The following PCDHGA4 variants were observed in gnomAD, a reference collection of about 807,000 sequenced individuals.
PCDHGA4 encodes the protein protocadherin gamma subfamily A, 4, also known as protocadherin gamma-A4.
PCDHGA4 carries 38 observed loss-of-function variants against 54.6 expected under a neutral mutation model. The observed-to-expected ratio is 0.70, with a 90% CI of 0.54 to 0.91. The LOEUF is 0.91. Among genes scored for constraint, PCDHGA4 ranks in the 40% least tolerant of loss-of-function variants. The pLI, the probability that PCDHGA4 is intolerant of heterozygous loss-of-function variation, is 0.00. For synonymous variants in PCDHGA4, 511 were observed against 512.9 expected (o/e 1.00, Z 0.05); for missense variants, 1,298 against 1,220.9 (o/e 1.06, Z -0.94).
At chr5:141,437,096 C>T (rs989863634) in intron 1 of PCDHGA4, among the ~76,000 whole-genome samples, 6 of 152,122 alleles carry the variant, frequency 3.9e-5, no homozygotes, top group Non-Finnish European at 8.8e-5. Context: ...AAACTAACGG[C>T]TTAGCTTTAG....
intron 1 of PCDHGA4, chr5:141,421,165 T>C: frequency 7.7e-7 from 1 of 1,297,018 alleles, no homozygotes; most frequent in Non-Finnish European, 1.0e-6. Flanking sequence ...ACTTCATAGA[T>C]ACATAAGCCG....
rs2099612736 is a variant in PCDHGA4 at position 141,485,393 on chromosome 5, C to T, written c.2515-9414C>T. The T allele has an allele frequency of 6.2e-7, 1 of 1,614,154 alleles. No homozygotes were observed. The highest frequency in any genetic ancestry group is 1.7e-5 in the Admixed American group (1 of 60,020). ...GGTCGCTGGAGAGGTGAACCAAAGA[C>T]ACTTCCGTGTGGATTTGGACAGCGG... On this transcript the variant is annotated intron_variant, in intron 1 of 3. Coordinates refer to ENST00000571252, the MANE Select transcript of PCDHGA4 (RefSeq NM_018917.4). The surrounding 1 kb of genome is among the most constrained non-coding windows in gnomAD (Gnocchi z 5.7).
chr5:141,357,413 C>A lies in PCDHGA4; in HGVS notation c.2306C>A (p.Ser769Ter), dbSNP rs374712311. The change falls in exon 1 of 4, where the codon TCG (serine) becomes TAG (stop). Residue 769 changes from serine (S) to a stop codon, truncating the protein, a stop_gained. Coordinates refer to ENST00000571252, the MANE Select transcript of PCDHGA4 (RefSeq NM_018917.4). LOFTEE classifies it high-confidence loss of function. Reference protein sequence around the residue: ...EGSRLAGVPASHFVGVDGVRA... With the variant: ...EGSRLAGVPA ...AGCAGGTTGGCAGGTGTGCCTGCCT[C>A]GCACTTTGTGGGCGTGGACGGGGTT... 6.2e-7 allele frequency: 1 copy of A among 1,614,132 alleles called. No homozygotes were observed. Among genetic ancestry groups the A allele is most frequent in the African/African-American group, 1.3e-5 (1 of 74,956 alleles).
Position 141,491,687 on chromosome 5 carries a change from G to A in PCDHGA4, c.2515-3120G>A. On this transcript the variant is annotated intron_variant, in intron 1 of 3. Transcript: ENST00000571252. This position sits in a 1 kb window ranked among gnomAD's most constrained non-coding sequence, Gnocchi z 6.9. Reference sequence around the variant, plus strand: ...ATCCGGTCCCGCTCTAATACGCTGCGGGAGCGGAGCCAGGTGAGGGGCTCG... The same window carrying A: ...ATCCGGTCCCGCTCTAATACGCTGCAGGAGCGGAGCCAGGTGAGGGGCTCG... The A allele has an allele frequency of 6.2e-7, 1 of 1,613,072 alleles. No homozygotes were observed. The highest frequency in any genetic ancestry group is 8.5e-7 in the Non-Finnish European group (1 of 1,179,608).
At position 141,356,528 on chromosome 5, in the gene PCDHGA4, T is replaced by C. The variant is rs755912138; in HGVS notation, c.1421T>C (p.Met474Thr). The change falls in exon 1 of 4, where the codon ATG becomes ACG. Residue 474 changes from methionine to threonine, a missense_variant. By Grantham distance (81) the Met-to-Thr change is moderately conservative (BLOSUM62 -1). Transcript: ENST00000571252. ...STETHISLQV[M>T]DINDNPPTFP... ...GAAACTCATATTTCACTGCAAGTGA[T>C]GGACATCAATGACAACCCACCCACT... is the stretch of plus-strand genomic sequence containing the variant. 7.4e-6 allele frequency: 12 copies of C among 1,613,866 alleles called. 1 individual carries two copies. In the Admixed American group the frequency reaches 1.8e-4, roughly 25 times the overall value.
chr5:141,475,721 G>A (rs867365261), intron 1 of PCDHGA4, among the ~76,000 whole-genome samples: 1 of 152,248 alleles, frequency 6.6e-6, no homozygotes. Context: ...ACAGCCCCAA[G>A]GCTGGCTTTC....
chr5:141,490,249 C>T lies in PCDHGA4; in HGVS notation c.2515-4558C>T, dbSNP rs2099697737. On this transcript the variant is annotated intron_variant, in intron 1 of 3. Coordinates refer to ENST00000571252, the MANE Select transcript of PCDHGA4 (RefSeq NM_018917.4). The surrounding 1 kb of genome is among the most constrained non-coding windows in gnomAD (Gnocchi z 5.4). ...TGCCATGGAGGGCCACTGTGTGATT[C>T]AAGTGGATGTGGGGGATGTCAATGA... The T allele has an allele frequency of 1.2e-6, 2 of 1,614,218 alleles. No individual in the cohort carries two copies. The highest frequency in any genetic ancestry group is 1.7e-6 in the Non-Finnish European group (2 of 1,180,044).
intron 1 of PCDHGA4, chr5:141,419,971 C>T (rs1254783575): frequency 1.2e-6 from 2 of 1,613,942 alleles, no homozygotes; most frequent in African/African-American, 2.7e-5. Context: ...TGCTCTTTCT[C>T]CTCGCGGTGA....
intron 1 of PCDHGA4, chr5:141,375,864 T>G: frequency 6.2e-7 from 1 of 1,613,866 alleles, no homozygotes; most frequent in African/African-American, 1.3e-5. Context: ...GTGGTGGCGG[T>G]GGACAGAGAC....
intron 1 of PCDHGA4, chr5:141,415,455 G>T: frequency 6.2e-7 from 1 of 1,614,186 alleles, no homozygotes; most frequent in Non-Finnish European, 8.5e-7. Context: ...ATTCCCACGA[G>T]GTCTCTCTCA....
chr5:141,471,338 A>G (rs1562030662), intron 1 of PCDHGA4: 1 of 152,234 alleles, frequency 6.6e-6, no homozygotes, highest in Non-Finnish European at 1.5e-5. Context: ...GGTATGATCC[A>G]CTGCGCCCGG....
chr5:141,403,247 A>T, intron 1 of PCDHGA4: 1 of 1,613,910 alleles, frequency 6.2e-7, no homozygotes, highest in Middle Eastern at 1.6e-4. Flanking sequence ...CTGTGCTCAG[A>T]GCCCGCGGTG....
chr5:141,394,511 C>T, intron 1 of PCDHGA4: 1 of 1,614,218 alleles, frequency 6.2e-7, no homozygotes. Flanking sequence ...TGTACCCCGC[C>T]CTCCCCACAG....
intron 1 of PCDHGA4, chr5:141,404,839 T>C: frequency 6.2e-7 from 1 of 1,613,458 alleles, no homozygotes; most frequent in Non-Finnish European, 8.5e-7. Context: ...TGCGCACAGC[T>C]CGGGCCCTGC....
At chr5:141,376,267 G>C (rs1021502624) in intron 1 of PCDHGA4, 2 of 1,614,092 alleles carry the variant, frequency 1.2e-6, no homozygotes, top group African/African-American at 2.7e-5. Context: ...TGCAGGCTTC[G>C]GGAGGTGGCT....
At position 141,363,058 on chromosome 5, in the gene PCDHGA4, C is replaced by G. The variant is rs114390762; in HGVS notation, c.2514+5437C>G. On this transcript the variant is annotated intron_variant, in intron 1 of 3. Coordinates refer to ENST00000571252, the MANE Select transcript of PCDHGA4 (RefSeq NM_018917.4). ...GACTTGAAGACCAACACTCAGTAAG[C>G]TAAATGTCTTGGAATCACAAATGTA... Among the ~76,000 whole-genome samples the G allele has an allele frequency of 1.4e-3, 215 of 152,336 alleles. 2 individuals carry two copies. Among genetic ancestry groups the G allele is most frequent in the African/African-American group, 4.9e-3 (205 of 41,574 alleles).
intron 2 of PCDHGA4, among the ~76,000 whole-genome samples, chr5:141,501,868 C>G (rs1016056445): frequency 1.3e-5 from 2 of 152,120 alleles, no homozygotes; most frequent in African/African-American, 2.4e-5. Flanking sequence ...TCCCAGGACG[C>G]CTCCTTACAC....
intron 1 of PCDHGA4, among the ~76,000 whole-genome samples, chr5:141,448,796 T>G (rs1268643310): frequency 1.0e-4 from 15 of 150,106 alleles, no homozygotes; most frequent in Admixed American, 4.0e-4. Context: ...AAAAAAAAAA[T>G]TAGCCAGGCG....
chr5:141,489,166 C>A lies in PCDHGA4; in HGVS notation c.2515-5641C>A. The A allele has an allele frequency of 9.1e-7, 1 of 1,099,536 alleles. No individual in the cohort carries two copies. The highest frequency in any genetic ancestry group is 1.3e-6 in the Non-Finnish European group (1 of 761,554). The allele number at this position is 1,099,536 out of a possible 1,614,324, so 68.1% of individuals were successfully genotyped here. ...AAGGAGACATAAGAGACTTCAGCTGCTGCATTCCAAGCCCTGGGTCTACCT... is the reference window on the plus strand; with the variant it reads ...AAGGAGACATAAGAGACTTCAGCTGATGCATTCCAAGCCCTGGGTCTACCT... On this transcript the variant is annotated intron_variant, in intron 1 of 3. Transcript: ENST00000571252. This position sits in a 1 kb window ranked among gnomAD's most constrained non-coding sequence, Gnocchi z 4.5.
Sources: allele counts gnomAD v4.1 joint callset (sites outside exome capture counted in the v4.1 genomes callset), GRCh38; gene constraint gnomAD v4.1.1; non-coding constraint Gnocchi (gnomAD v3.1); transcripts MANE v1.5; gene names NCBI Gene and HGNC (gene_info 2026-07-23, HGNC 2026-07-21).